Variants in FAM50A observed in about 807,000 individuals in gnomAD.
FAM50A encodes protein FAM50A.
Under a neutral mutation model 35.5 loss-of-function variants are expected in FAM50A, and 6 were observed. That is an observed-to-expected ratio of 0.17 (90% CI 0.09 to 0.33). The LOEUF (loss-of-function observed/expected upper bound fraction) is 0.33. Among genes scored for constraint, FAM50A ranks in the 10% least tolerant of loss-of-function variants. The pLI, the probability that FAM50A is intolerant of heterozygous loss-of-function variation, is 1.00. For missense variants in FAM50A, 145 were observed against 295.5 expected (o/e 0.49, Z 3.73); for synonymous variants, 120 against 110.9 (o/e 1.08, Z -0.52).
chrX:154,447,815 C>T (rs782229769), intron 4 of FAM50A, among the ~76,000 whole-genome samples: 4 of 110,333 alleles, frequency 3.6e-5, no homozygotes, highest in South Asian at 7.8e-4. Context: ...GACGGAATCT[C>T]GCCATGTTGC....
At chrX:154,449,610 C>T in intron 8 of FAM50A, 71 bp from the exon 9 acceptor site, 1 of 969,597 alleles carries the variant, frequency 1.0e-6, no homozygotes. Context: ...CTCTCCTGGG[C>T]TGGCTGTCTC....
chrX:154,444,170 C>T lies in FAM50A; in HGVS notation c.-66C>T, dbSNP rs1421728611. On this transcript the variant is annotated 5_prime_UTR_variant, in exon 1 of 13. Transcript: ENST00000393600. The stretch of plus-strand genomic sequence containing the variant: ...GACTGTTCGGCCGCCACCGCCGCTG[C>T]CGCTGCCGCTGTCGCTGTCGCCGCC... 10 of 369,428 alleles carry T rather than the reference C, an allele frequency of 2.7e-5. No individual in the cohort carries two copies. The highest frequency in any genetic ancestry group is 1.3e-4 in the South Asian group (1 of 7,609). 30.4% of individuals were successfully genotyped at this position (369,428 alleles called of 1,213,427 possible).
At chrX:154,446,327 G>A in intron 3 of FAM50A, 88 bp from the exon 4 acceptor site, 1 of 907,608 alleles carries the variant, frequency 1.1e-6, no homozygotes, top group East Asian at 3.1e-5. Context: ...CCCCACATAG[G>A]GCACACAGGT....
Position 154,449,723 on chromosome X carries a change from G to A in FAM50A, c.768G>A (p.Leu256=), listed in dbSNP as rs782475828. ...AGCTCATGTACATCAAGGAGGACTT[G>A]ATCATCCCTCACGTGAGTCCCTTCA... The part of the protein sequence containing the change: ...VEQLMYIKED[L]IIPHHHSFYD... The change falls in exon 9 of 13, where the codon TTG becomes TTA. Residue 256 remains leucine (L), a synonymous_variant. Coordinates refer to ENST00000393600, the MANE Select transcript of FAM50A (RefSeq NM_004699.4). 9.1e-6 allele frequency: 11 copies of A among 1,209,774 alleles called. No homozygotes were observed. Among genetic ancestry groups the A allele is most frequent in the Admixed American group, 6.5e-5 (3 of 46,078 alleles).
At chrX:154,450,161 AG>A (rs782651637) in intron 11 of FAM50A, 47 bp from the exon 12 acceptor site, 3 of 1,199,707 alleles carry the variant, frequency 2.5e-6, no homozygotes, top group Admixed American at 4.3e-5. Flanking sequence ...GGAGAAGCCA[AG>A]GGAAGGGGAG....
intron 1 of FAM50A, 145 bp from the exon 2 acceptor site, chrX:154,445,488 A>G (rs1557199687): frequency 2.0e-6 from 1 of 494,384 alleles, no homozygotes; most frequent in Non-Finnish European, 3.6e-6. Flanking sequence ...CACTCTTAGC[A>G]TTTGAAGAGC....
Position 154,448,364 on chromosome X carries a change from G to A in FAM50A, c.443-120G>A, listed in dbSNP as rs782203094. On this transcript the variant is annotated intron_variant, in intron 4 of 12. Transcript: ENST00000393600. Reference sequence around the variant, plus strand: ...TTGACAAGCGTGAGCCTCTGTGCCCGCCCTAGGCTTGTCTTCTAGATCGAC... The same window carrying A: ...TTGACAAGCGTGAGCCTCTGTGCCCACCCTAGGCTTGTCTTCTAGATCGAC... 3.1e-5 allele frequency: 18 copies of A among 583,461 alleles called. No homozygotes were observed. In the East Asian group the frequency reaches 5.3e-4, roughly 17 times the overall value. The allele number at this position is 583,461 out of a possible 1,213,427, so 48.1% of individuals were successfully genotyped here.
intron 7 of FAM50A, 61 bp downstream of exon 7, chrX:154,449,015 G>A (rs782314904): frequency 1.2e-4 from 127 of 1,070,384 alleles, no homozygotes; most frequent in Admixed American, 2.3e-5. Context: ...AGGTTCCGTG[G>A]GAAGGAACTG....
At position 154,449,700 on chromosome X, in the gene FAM50A, C is replaced by G; in HGVS notation, c.745C>G (p.Leu249Val). Residue 249 changes from leucine (L) to valine (V), a missense_variant, in exon 9 of 13, where the codon CTC becomes GTC. By Grantham distance (32) the Leu-to-Val change is conservative (BLOSUM62 1). Transcript: ENST00000393600. The stretch of plus-strand genomic sequence containing the variant: ...CCTCAGGTCCGCAGGGGTGGAGCAG[C>G]TCATGTACATCAAGGAGGACTTGAT... ...SELRSAGVEQ[L>V]MYIKEDLIIP... is the part of the protein sequence containing the mutation. 1 of 1,210,981 alleles carries G rather than the reference C, an allele frequency of 8.3e-7. No individual in the cohort carries two copies. Among genetic ancestry groups the G allele is most frequent in the East Asian group, 3.0e-5 (1 of 33,842 alleles).
chrX:154,450,534 A>G lies in FAM50A; in HGVS notation c.*102A>G, dbSNP rs1557200486. 1.1e-6 allele frequency: 1 copy of G among 878,228 alleles called. No individual in the cohort carries two copies. Among genetic ancestry groups the G allele is most frequent in the Non-Finnish European group, 1.6e-6 (1 of 614,174 alleles). The allele number at this position is 878,228 out of a possible 1,213,427, so 72.4% of individuals were successfully genotyped here. A position where few individuals can be genotyped will look rare whatever the true frequency, so the allele number is the denominator to read the frequency against. On this transcript the variant is annotated 3_prime_UTR_variant, in exon 13 of 13. Transcript: ENST00000393600. ...CCGCTCCCCTGCGACCATGCCAGGCACGCTGGGAGGAGGACGGCAGCTGCT... is the reference window on the plus strand; with the variant it reads ...CCGCTCCCCTGCGACCATGCCAGGCGCGCTGGGAGGAGGACGGCAGCTGCT...
intron 1 of FAM50A, 52 bp downstream of exon 1, chrX:154,444,398 C>G: frequency 1.2e-6 from 1 of 807,154 alleles, no homozygotes; most frequent in Non-Finnish European, 1.7e-6. Flanking sequence ...CCCCGGCGGC[C>G]CCGCGCCACG....
intron 3 of FAM50A, 36 bp from the exon 4 acceptor site, chrX:154,446,379 A>G: frequency 8.5e-7 from 1 of 1,180,122 alleles, no homozygotes; most frequent in Admixed American, 2.2e-5. Flanking sequence ...GTCGGGAAGG[A>G]CATGATGTGT....
intron 4 of FAM50A, among the ~76,000 whole-genome samples, chrX:154,447,589 G>A (rs1557199963): frequency 8.9e-6 from 1 of 112,317 alleles, no homozygotes; most frequent in African/African-American, 3.2e-5. Context: ...CAATGCTGGG[G>A]TGCTGTGTGC....
chrX:154,444,393 GCGGCCCCGCGCCACGCTC>G, intron 1 of FAM50A, 47 bp downstream of exon 1: 3 of 842,059 alleles, frequency 3.6e-6, no homozygotes, highest in Non-Finnish European at 4.8e-6. Context: ...CAGGTCCCCG[GCGGCCCCGCGCCACGCTC>G]CGGCCCTGGA....
intron 11 of FAM50A, 48 bp downstream of exon 11, chrX:154,450,147 TGGA>T: frequency 2.5e-6 from 3 of 1,197,922 alleles, no homozygotes; most frequent in Non-Finnish European, 3.4e-6. Flanking sequence ...CCCTGGGCTA[TGGA>T]GGAGAAGCCA....
intron 1 of FAM50A, 115 bp downstream of exon 1, chrX:154,444,461 G>C (rs1163382661): frequency 3.2e-6 from 1 of 316,436 alleles, no homozygotes; most frequent in African/African-American, 2.9e-5. Context: ...GCGGCGCGCC[G>C]GGGCAGGCCC....
intron 8 of FAM50A, 108 bp from the exon 9 acceptor site, chrX:154,449,573 G>A (rs1465375656): frequency 3.0e-6 from 2 of 671,487 alleles, no homozygotes; most frequent in Admixed American, 2.9e-5. Context: ...CAGCCAACTG[G>A]CCGCTGCTTC....
intron 4 of FAM50A, 68 bp from the exon 5 acceptor site, chrX:154,448,416 C>T: frequency 1.0e-6 from 1 of 975,590 alleles, no homozygotes; most frequent in Non-Finnish European, 1.5e-6. Context: ...TTGGGGGACC[C>T]TGGGCGTCGG....
At chrX:154,444,381 C>T in intron 1 of FAM50A, 35 bp downstream of exon 1, 1 of 796,893 alleles carries the variant, frequency 1.3e-6, no homozygotes, top group Non-Finnish European at 1.6e-6. Flanking sequence ...ATGCGCGCTG[C>T]CCAGGTCCCC....
Sources: allele counts gnomAD v4.1 joint callset (sites outside exome capture counted in the v4.1 genomes callset), GRCh38; gene constraint gnomAD v4.1.1; transcripts MANE v1.5; gene names NCBI Gene and HGNC (gene_info 2026-07-23, HGNC 2026-07-21).